PTPN20: variants seen among roughly 807,000 people sequenced by gnomAD.
PTPN20 encodes the protein tyrosine-protein phosphatase non-receptor type 20.
A neutral mutation model predicts 35.0 loss-of-function variants in PTPN20; 9 were observed. The observed-to-expected ratio is 0.26, with a 90% CI of 0.15 to 0.45. The LOEUF is 0.45. Ranked by LOEUF, PTPN20 falls within the 20% of genes least tolerant of loss-of-function variation. The pLI is 1.00. For synonymous variants in PTPN20, 32 were observed against 100.2 expected, an observed-to-expected ratio of 0.32 and a Z score of 4.06; for missense variants, 111 against 312.5, an observed-to-expected ratio of 0.36 and a Z score of 4.86.
At chr10:46,935,315 T>G (rs1177370236) in intron 2 of PTPN20, among the ~76,000 whole-genome samples, 20 of 140,702 alleles carry the variant, frequency 1.4e-4, no homozygotes, top group Non-Finnish European at 2.6e-4. Context: ...TGTTTTTTTT[T>G]TTTTTTTTTT....
chr10:46,937,905 TTTTTCTTTTTC>T (rs2042193971), intron 2 of PTPN20, among the ~76,000 whole-genome samples: 2 of 146,928 alleles, frequency 1.4e-5, no homozygotes, highest in Non-Finnish European at 3.0e-5. Flanking sequence ...GGTGCTGGAT[TTTTTCTTTTTC>T]TTTTCTTTTT....
chr10:46,981,103 A>G (rs1463835679), intron 7 of PTPN20, among the ~76,000 whole-genome samples: 1 of 150,192 alleles, frequency 6.7e-6, no homozygotes, highest in Non-Finnish European at 1.5e-5. Flanking sequence ...GGTTGGAAAA[A>G]TTGGTGACAA....
At chr10:46,953,763 C>G (rs1452009610) in intron 5 of PTPN20, among the ~76,000 whole-genome samples, 1 of 147,724 alleles carries the variant, frequency 6.8e-6, no homozygotes, top group African/African-American at 2.6e-5. Context: ...ATAAGCCCAA[C>G]TTTGTGATGG....
chr10:46,950,909 T>A lies in PTPN20; in HGVS notation c.340+4234T>A, dbSNP rs2046433635. On this transcript the variant is annotated intron_variant, in intron 5 of 10. Transcript: ENST00000374339. ...ATTTAAACTATATTATTATATAGGT[T>A]AAGACATATTCTGACATAGGATTAA... 2.0e-5 allele frequency among the ~76,000 whole-genome samples: 3 copies of A among 151,586 alleles called. No individual in the cohort carries two copies. The South Asian group carries it at 6.2e-4, about 31-fold the overall frequency.
intron 10 of PTPN20, among the ~76,000 whole-genome samples, 175 bp from the exon 11 acceptor site, chr10:47,000,501 C>T (rs2059917059): frequency 6.6e-6 from 1 of 152,094 alleles, no homozygotes; most frequent in Non-Finnish European, 1.5e-5. Flanking sequence ...GATCATTTAT[C>T]TTCCTCATAG....
chr10:46,941,987 AT>A (rs570487544), intron 3 of PTPN20, among the ~76,000 whole-genome samples: 4 of 50,766 alleles, frequency 7.9e-5, no homozygotes, highest in African/African-American at 1.1e-4. Context: ...GCATAAAGAA[AT>A]TTTTTTTTTG....
chr10:46,933,486 A>T (rs1501835), intron 2 of PTPN20, among the ~76,000 whole-genome samples: 1 of 138,592 alleles, frequency 7.2e-6, no homozygotes, highest in Non-Finnish European at 1.6e-5. Context: ...TATACCCTGG[A>T]AACCACCATT....
At chr10:46,984,589 GAT>G in intron 8 of PTPN20, 25 bp downstream of exon 8, 4 of 1,269,296 alleles carry the variant, frequency 3.2e-6, no homozygotes, top group South Asian at 2.5e-5. Flanking sequence ...ATCAGTATTA[GAT>G]ATATGTTTCA....
chr10:46,939,659 A>G (rs2042810765), intron 2 of PTPN20, among the ~76,000 whole-genome samples: 1 of 151,494 alleles, frequency 6.6e-6, no homozygotes, highest in South Asian at 2.1e-4. Flanking sequence ...ATTGAATACA[A>G]AACTCATTTA....
chr10:46,997,880 G>A (rs962691458), intron 9 of PTPN20, among the ~76,000 whole-genome samples: 5 of 151,878 alleles, frequency 3.3e-5, no homozygotes, highest in South Asian at 2.1e-4. Context: ...CTATCAGAAA[G>A]GCTTATGTAA....
At chr10:46,957,494 G>C (rs2048743478) in intron 5 of PTPN20, among the ~76,000 whole-genome samples, 1 of 152,012 alleles carries the variant, frequency 6.6e-6, no homozygotes, top group African/African-American at 2.4e-5. Flanking sequence ...TCAGCACTTT[G>C]GGAGGCCAAG....
chr10:46,940,641 A>G lies in PTPN20; in HGVS notation c.53A>G (p.Asn18Ser), dbSNP rs2043179730. ...RAEPVNDYEGNDSEAEDLNFR... is the reference protein window; with the variant it reads ...RAEPVNDYEGSDSEAEDLNFR... ...TGTTCAGTAAACGATTATGAGGGAA[A>G]TGACTCTGAAGCAGAAGACTTGAAT... Residue 18 changes from asparagine (N) to serine (S), a missense_variant, in exon 3 of 11, where the codon AAT (asparagine) becomes AGT (serine). This residue lies in a region of PTPN20 where 22 missense variants were observed against 49.2 expected (regional missense o/e 0.45). Coordinates refer to ENST00000374339, the MANE Select transcript of PTPN20 (RefSeq NM_001042357.5). 15 of 1,611,182 alleles carry G rather than the reference A, an allele frequency of 9.3e-6. No individual in the cohort carries two copies. The highest frequency in any genetic ancestry group is 1.2e-5 in the Non-Finnish European group (14 of 1,179,732).
intron 2 of PTPN20, among the ~76,000 whole-genome samples, chr10:46,938,123 G>C (rs1407316521): frequency 6.6e-6 from 1 of 151,600 alleles, no homozygotes; most frequent in Non-Finnish European, 1.5e-5. Flanking sequence ...GCTAATTTTT[G>C]TATTTTTAGT....
chr10:46,918,395 T>C (rs1287720472), intron 1 of PTPN20, among the ~76,000 whole-genome samples: 2 of 49,078 alleles, frequency 4.1e-5, no homozygotes, highest in Admixed American at 2.0e-4. Flanking sequence ...TTCATTGATT[T>C]TTTTTCCTCT....
At chr10:46,928,230 C>T (rs1194341280) in intron 1 of PTPN20, among the ~76,000 whole-genome samples, 6 of 152,050 alleles carry the variant, frequency 3.9e-5, no homozygotes, top group Non-Finnish European at 5.9e-5. Flanking sequence ...AATGAATGCT[C>T]ACAGTAATCT....
intron 1 of PTPN20, among the ~76,000 whole-genome samples, chr10:46,926,493 G>A (rs2037436268): frequency 6.6e-6 from 1 of 151,530 alleles, no homozygotes; most frequent in Non-Finnish European, 1.5e-5. Flanking sequence ...ATTACCCTGG[G>A]ATGATGTTCA....
At chr10:46,993,500 G>C (rs1205752784) in intron 9 of PTPN20, among the ~76,000 whole-genome samples, 1 of 152,202 alleles carries the variant, frequency 6.6e-6, no homozygotes, top group Non-Finnish European at 1.5e-5. Flanking sequence ...TGGGTGTATA[G>C]CTGATGTGGC....
At chr10:46,994,577 G>A (rs1017593419) in intron 9 of PTPN20, among the ~76,000 whole-genome samples, 3 of 151,698 alleles carry the variant, frequency 2.0e-5, no homozygotes, top group Non-Finnish European at 4.4e-5. Context: ...CTCGTGATCC[G>A]CCCGCCTCGG....
At chr10:46,952,181 A>G in intron 5 of PTPN20, among the ~76,000 whole-genome samples, 1 of 148,524 alleles carries the variant, frequency 6.7e-6, no homozygotes, top group Non-Finnish European at 1.5e-5. Flanking sequence ...TTAGCTGGAA[A>G]CATTCAGAGA....
Sources: allele counts gnomAD v4.1 joint callset (sites outside exome capture counted in the v4.1 genomes callset), GRCh38; gene constraint gnomAD v4.1.1; regional missense constraint gnomAD v4.1.1; transcripts MANE v1.5; gene names NCBI Gene and HGNC (gene_info 2026-07-23, HGNC 2026-07-21).